Variants in NEDD9 observed in about 807,000 individuals in gnomAD.
NEDD9 encodes enhancer of filamentation 1.
Under a neutral mutation model 76.6 loss-of-function variants are expected in NEDD9, and 26 were observed. The ratio of observed to expected loss-of-function variants is 0.34; its 90% CI spans 0.25 to 0.47. The LOEUF is 0.47. NEDD9 is among the 20% of genes least tolerant of loss of function. The probability of loss-of-function intolerance (pLI) is 1.00; values close to 1 mark genes in which losing one functional copy is unlikely to be tolerated. For missense variants in NEDD9, 937 were observed against 1,058.5 expected, an observed-to-expected ratio of 0.89 and a Z score of 1.59; for synonymous variants, 392 against 414.2, an observed-to-expected ratio of 0.95 and a Z score of 0.65.
intron 2 of NEDD9, among the ~76,000 whole-genome samples, chr6:11,211,070 C>T (rs1758776050): frequency 1.3e-5 from 2 of 152,206 alleles, no homozygotes; most frequent in Non-Finnish European, 2.9e-5. Flanking sequence ...AGGGCTGGCA[C>T]AGGTCATTTT....
chr6:11,316,748 G>A (rs1056728160), intron 2 of NEDD9, among the ~76,000 whole-genome samples: 2 of 152,134 alleles, frequency 1.3e-5, no homozygotes, highest in African/African-American at 4.8e-5. Flanking sequence ...CTGGAGACAG[G>A]GACAGTGAAG....
chr6:11,238,938 T>C (rs530114847), intron 3 of NEDD9, among the ~76,000 whole-genome samples: 4 of 152,226 alleles, frequency 2.6e-5, no homozygotes, highest in East Asian at 3.9e-4. Context: ...GGCAGGAGGA[T>C]TGCTTGAGCC....
upstream of NEDD9, chr6:11,233,603 C>T (rs1201103213): frequency 1.6e-5 from 8 of 494,504 alleles, no homozygotes; most frequent in Non-Finnish European, 3.3e-5. Context: ...CGAAAATGCC[C>T]ACTGTTTGAT....
chr6:11,284,391 TA>T (rs1168452567), intron 3 of NEDD9, among the ~76,000 whole-genome samples: 1,308 of 70,206 alleles, frequency 0.019, 20 homozygotes, highest in African/African-American at 0.057. Context: ...CCGTCTCTAC[TA>T]AAAAAAAAAA....
chr6:11,368,435 C>T (rs886452433), intron 1 of NEDD9, among the ~76,000 whole-genome samples: 14 of 152,248 alleles, frequency 9.2e-5, no homozygotes, highest in African/African-American at 3.1e-4. Flanking sequence ...CTCTTGGATA[C>T]GCTACTAATC....
At chr6:11,321,425 A>G (rs768867390) in intron 2 of NEDD9, among the ~76,000 whole-genome samples, 3 of 152,236 alleles carry the variant, frequency 2.0e-5, no homozygotes, top group Non-Finnish European at 4.4e-5. Flanking sequence ...CCGTGAGCCC[A>G]GTGAGGTCTG....
At chr6:11,238,680 C>G (rs1001943655) in intron 3 of NEDD9, among the ~76,000 whole-genome samples, 1 of 152,206 alleles carries the variant, frequency 6.6e-6, no homozygotes, top group Non-Finnish European at 1.5e-5. Flanking sequence ...CTAGAAAAAT[C>G]TCTCCATTGT....
At chr6:11,359,385 G>C (rs775147590) in intron 1 of NEDD9, among the ~76,000 whole-genome samples, 1 of 152,254 alleles carries the variant, frequency 6.6e-6, no homozygotes, top group African/African-American at 2.4e-5. Context: ...TGAGTAAGAG[G>C]ATAGAGGAAG....
At chr6:11,288,596 T>C (rs1301331595) in intron 3 of NEDD9, among the ~76,000 whole-genome samples, 1 of 152,190 alleles carries the variant, frequency 6.6e-6, no homozygotes, top group Non-Finnish European at 1.5e-5. Context: ...AAGACTATGT[T>C]TTTCTTAGAT....
chr6:11,260,789 C>G (rs1195673199), intron 3 of NEDD9, among the ~76,000 whole-genome samples: 1 of 152,132 alleles, frequency 6.6e-6, no homozygotes, highest in African/African-American at 2.4e-5. Context: ...CACTATTTCT[C>G]AGTTTTCTGT....
At chr6:11,214,894 G>A (rs1351153876) in intron 1 of NEDD9, among the ~76,000 whole-genome samples, 1 of 152,178 alleles carries the variant, frequency 6.6e-6, no homozygotes, top group Non-Finnish European at 1.5e-5. Flanking sequence ...ATTGGATGGG[G>A]CAGGTTCATG....
At chr6:11,369,426 C>G (rs1762821090) in intron 1 of NEDD9, among the ~76,000 whole-genome samples, 1 of 152,120 alleles carries the variant, frequency 6.6e-6, no homozygotes, top group South Asian at 2.1e-4. Flanking sequence ...AAACACATTC[C>G]TACTGTTAAA....
At chr6:11,344,486 G>T (rs1307440771) in intron 1 of NEDD9, among the ~76,000 whole-genome samples, 1 of 152,204 alleles carries the variant, frequency 6.6e-6, no homozygotes, top group Admixed American at 6.5e-5. Flanking sequence ...TAAGTTTCAG[G>T]TGGGGCATGT....
chr6:11,373,396 C>T (rs1181730672), intron 1 of NEDD9, among the ~76,000 whole-genome samples: 3 of 152,180 alleles, frequency 2.0e-5, no homozygotes, highest in Non-Finnish European at 4.4e-5. Flanking sequence ...AAGTCAGAAC[C>T]TCTGTTCCTC....
intron 1 of NEDD9, among the ~76,000 whole-genome samples, chr6:11,359,326 G>T (rs1401554790): frequency 6.6e-6 from 1 of 152,218 alleles, no homozygotes; most frequent in Non-Finnish European, 1.5e-5. Context: ...AAGCAAATGG[G>T]CCTTTGCCCA....
chr6:11,246,758 T>G (rs1759820515), intron 3 of NEDD9, among the ~76,000 whole-genome samples: 1 of 152,148 alleles, frequency 6.6e-6, no homozygotes, highest in Non-Finnish European at 1.5e-5. Context: ...CAAAGAAACC[T>G]CATTTCTTTC....
At chr6:11,223,438 G>C (rs1352807373) in intron 1 of NEDD9, among the ~76,000 whole-genome samples, 2 of 151,486 alleles carry the variant, frequency 1.3e-5, no homozygotes, top group African/African-American at 4.9e-5. Context: ...TCATGAAATT[G>C]TGTCTTAAGA....
At chr6:11,226,273 G>T (rs1759306415) in intron 1 of NEDD9, among the ~76,000 whole-genome samples, 1 of 152,108 alleles carries the variant, frequency 6.6e-6, no homozygotes, top group Non-Finnish European at 1.5e-5. Flanking sequence ...TTGTGTGTGT[G>T]TGTCCCCTTT....
At chr6:11,327,500 C>G (rs1487547845) in intron 2 of NEDD9, among the ~76,000 whole-genome samples, 1 of 152,218 alleles carries the variant, frequency 6.6e-6, no homozygotes, top group South Asian at 2.1e-4. Flanking sequence ...CTTTTGAGTC[C>G]CCTCCAGTAT....
Sources: allele counts gnomAD v4.1 joint callset (sites outside exome capture counted in the v4.1 genomes callset), GRCh38; gene constraint gnomAD v4.1.1; transcripts MANE v1.5; gene names NCBI Gene and HGNC (gene_info 2026-07-23, HGNC 2026-07-21).